Variants in SCRIB observed in about 807,000 individuals in gnomAD.
SCRIB encodes the protein protein scribble homolog.
In SCRIB, 72 loss-of-function variants were observed where a neutral mutation model predicts 170.0. That is an observed-to-expected ratio of 0.42 (90% CI 0.35 to 0.52). The LOEUF (loss-of-function observed/expected upper bound fraction) is 0.52. Ranked by LOEUF, SCRIB falls within the 20% of genes least tolerant of loss-of-function variation. SCRIB has a pLI of 0.02. For synonymous variants in SCRIB, 1,298 were observed against 1,044.3 expected (o/e 1.24, Z -4.68); for missense variants, 2,475 against 2,338.5 (o/e 1.06, Z -1.20).
chr8:143,809,087 C>T, intron 14 of SCRIB, 62 bp from the exon 15 acceptor site: 3 of 1,541,524 alleles, frequency 1.9e-6, no homozygotes, highest in Non-Finnish European at 1.7e-6. Flanking sequence ...CAGGAAGACC[C>T]TACTAAACAG....
chr8:143,815,721 T>G lies in SCRIB; in HGVS notation c.-349A>C, dbSNP rs930179816. On this transcript the variant is annotated 5_prime_UTR_variant, in exon 1 of 37. Coordinates refer to ENST00000356994, the MANE Select transcript of SCRIB (RefSeq NM_182706.5). ...CCGGAACCGCCGCTGCCCGCCGGAC[T>G]GCCCCGCCGACACCCACCCGGCCGC... is the stretch of plus-strand genomic sequence containing the variant. The G allele has an allele frequency of 1.0e-6, 1 of 983,654 alleles. No individual in the cohort carries two copies. The highest frequency in any genetic ancestry group is 1.2e-6 in the Non-Finnish European group (1 of 829,320). 60.9% of individuals were successfully genotyped at this position (983,654 alleles called of 1,614,324 possible).
At chr8:143,797,031 C>T (rs1283665041) in intron 24 of SCRIB, among the ~76,000 whole-genome samples, 1 of 152,174 alleles carries the variant, frequency 6.6e-6, no homozygotes, top group Admixed American at 6.5e-5. Flanking sequence ...GGTCCAGGGC[C>T]AGACCACAGC....
rs782540588 is a variant in SCRIB, at chr8:143,793,880, C to T, written c.3909+20G>A. 9.9e-6 allele frequency: 16 copies of T among 1,612,072 alleles called. No individual in the cohort carries two copies. The highest frequency in any genetic ancestry group is 9.3e-5 in the African/African-American group (7 of 74,888). ...CCCTCCACCCACCATGGGGCACACC[C>T]GTTAACTTGGGACACTCACCTGCTG... On this transcript the variant is annotated intron_variant, in intron 28 of 36. Transcript: ENST00000356994.
chr8:143,792,477 G>T lies in SCRIB; in HGVS notation c.4328+8C>A. On this transcript the variant is annotated splice_region_variant and intron_variant, in intron 31 of 36. Coordinates refer to ENST00000356994, the MANE Select transcript of SCRIB (RefSeq NM_182706.5). The stretch of plus-strand genomic sequence containing the variant: ...TGAGTAGGGGGCGTCTGGTGGGCGG[G>T]TGCTCACCTTGAGGTGGGGCTCGGG... 1 of 1,533,000 alleles carries T rather than the reference G, an allele frequency of 6.5e-7. No individual in the cohort carries two copies. Among genetic ancestry groups the T allele is most frequent in the Non-Finnish European group, 8.7e-7 (1 of 1,143,954 alleles). 95.0% of individuals were successfully genotyped at this position (1,533,000 alleles called of 1,614,324 possible). A position where few individuals can be genotyped will look rare whatever the true frequency, so the allele number is the denominator to read the frequency against.
intron 24 of SCRIB, among the ~76,000 whole-genome samples, chr8:143,797,169 A>C (rs1322411068): frequency 6.6e-6 from 1 of 152,206 alleles, no homozygotes; most frequent in Non-Finnish European, 1.5e-5. Flanking sequence ...CTGCTGAGAG[A>C]GGGGAGGTCG....
intron 24 of SCRIB, among the ~76,000 whole-genome samples, chr8:143,800,963 C>T (rs1384770745): frequency 7.0e-5 from 2 of 28,598 alleles, no homozygotes; most frequent in Non-Finnish European, 1.6e-4. Context: ...TAAGAGAAAA[C>T]ACATTGACAA....
Position 143,791,327 on chromosome 8 carries a change from T to C in SCRIB, c.4823-19A>G, listed in dbSNP as rs1554632564. The C allele has an allele frequency of 1.9e-6, 3 of 1,585,106 alleles. No homozygotes were observed. The African/African-American group carries it at 4.1e-5, about 21-fold the overall frequency. On this transcript the variant is annotated intron_variant, in intron 36 of 36. Coordinates refer to ENST00000356994, the MANE Select transcript of SCRIB (RefSeq NM_182706.5). ...TGCGGGCCTGGAGGGCAGGGACAGG[T>C]GGGCAGTGAGCTGAGGGCAGCTGGG...
chr8:143,792,445 C>A (rs1563787306), intron 31 of SCRIB, 40 bp from the exon 32 acceptor site: 3 of 1,502,192 alleles, frequency 2.0e-6, no homozygotes, highest in Non-Finnish European at 2.7e-6. Context: ...GGCAGGGGCA[C>A]GTGGGGTGAG....
At chr8:143,800,250 G>A (rs1260913732) in intron 24 of SCRIB, among the ~76,000 whole-genome samples, 1 of 152,096 alleles carries the variant, frequency 6.6e-6, no homozygotes, top group African/African-American at 2.4e-5. Flanking sequence ...CAGATAAGAG[G>A]ACTTCAGAAA....
chr8:143,814,182 G>A (rs771947695), intron 1 of SCRIB, 64 bp from the exon 2 acceptor site: 163 of 1,348,890 alleles, frequency 1.2e-4, no homozygotes, highest in Non-Finnish European at 1.6e-4. Context: ...AGAGCTCCTG[G>A]ACACGTGAGT....
rs1554633032 is a variant in SCRIB at position 143,792,355 on chromosome 8, G to A, written c.4379C>T (p.Thr1460Met). The change falls in exon 32 of 37, where the codon ACG (threonine) becomes ATG (methionine). Residue 1460 changes from threonine (T) to methionine (M), a missense_variant. Physicochemically the swap from Thr to Met is moderately conservative, Grantham distance 81 (BLOSUM62 -1). Around this residue, in one of 3 missense-constraint regions of SCRIB, gnomAD observed 1,966 missense variants for 1,742.9 expected, o/e 1.13. Coordinates refer to ENST00000356994, the MANE Select transcript of SCRIB (RefSeq NM_182706.5). ...PPLGGGAPVR[T>M]AKAERRHQER... ...CTGGTGGCGCCGTTCAGCTTTGGCC[G>A]TCCGCACCGGGGCGCCACCTCCCAG... 16 of 1,533,704 alleles carry A rather than the reference G, an allele frequency of 1.0e-5. No homozygotes were observed. The highest frequency in any genetic ancestry group is 2.7e-5 in the African/African-American group (2 of 73,290).
chr8:143,801,721 G>C (rs781788137), intron 24 of SCRIB, among the ~76,000 whole-genome samples: 7 of 152,188 alleles, frequency 4.6e-5, no homozygotes, highest in Non-Finnish European at 1.0e-4. Flanking sequence ...TAGCAGTGAC[G>C]GGGAAGGGGA....
At chr8:143,791,530 A>G in intron 35 of SCRIB, 90 bp from the exon 36 acceptor site, 4 of 1,585,900 alleles carry the variant, frequency 2.5e-6, no homozygotes, top group Non-Finnish European at 2.6e-6. Flanking sequence ...TGAGGCCCAC[A>G]GAGCCCGGCT....
intron 24 of SCRIB, among the ~76,000 whole-genome samples, chr8:143,796,666 GCA>G (rs1389664186): frequency 2.0e-5 from 3 of 152,332 alleles, no homozygotes; most frequent in East Asian, 3.9e-4. Context: ...TGTCGTAAAA[GCA>G]CAGTTACACA....
chr8:143,793,088 G>T lies in SCRIB; in HGVS notation c.3910-5C>A, dbSNP rs782608118. The T allele has an allele frequency of 2.8e-6, 4 of 1,446,060 alleles. No homozygotes were observed. The highest frequency in any genetic ancestry group is 2.5e-5 in the Admixed American group (1 of 39,756). The allele number at this position is 1,446,060 out of a possible 1,614,324, so 89.6% of individuals were successfully genotyped here. A position where few individuals can be genotyped will look rare whatever the true frequency, so the allele number is the denominator to read the frequency against. ...CGGAGAAGGCGGGGAGGGCGGCTGG[G>T]GGGTGGGGCTCTTGTGAGCTATGCT... On this transcript the variant is annotated splice_region_variant and splice_polypyrimidine_tract_variant and intron_variant, in intron 28 of 36. Coordinates refer to ENST00000356994, the MANE Select transcript of SCRIB (RefSeq NM_182706.5).
In SCRIB at chr8:143,803,391, C is replaced by G; in HGVS notation, c.3595G>C (p.Ala1199Pro). The G allele has an allele frequency of 6.3e-7, 1 of 1,576,012 alleles. No homozygotes were observed. Among genetic ancestry groups the G allele is most frequent in the Non-Finnish European group, 8.6e-7 (1 of 1,163,758 alleles). Residue 1199 changes from alanine to proline, a missense_variant, in exon 24 of 37, where the codon GCC (alanine) becomes CCC (proline). Physicochemically the swap from Ala to Pro is conservative, Grantham distance 27. This residue lies in a region of SCRIB where 1,966 missense variants were observed against 1,742.9 expected (regional missense o/e 1.13). Transcript: ENST00000356994. ...CDGFEASTDA[A>P]LEVSPGVIAN... ...GGGGCGGGATCGCTAACCTCCAGGG[C>G]TGCGTCGGTGCTGGCCTCAAAGCCG...
intron 27 of SCRIB, chr8:143,794,233 A>G: frequency 2.1e-6 from 1 of 471,346 alleles, no homozygotes; most frequent in Non-Finnish European, 3.8e-6. Flanking sequence ...CAGACAGGAC[A>G]GCCGGAGAAG....
chr8:143,812,579 G>A (rs547534457), intron 8 of SCRIB, among the ~76,000 whole-genome samples, 195 bp from the exon 9 acceptor site: 1 of 152,194 alleles, frequency 6.6e-6, no homozygotes, highest in East Asian at 1.9e-4. Flanking sequence ...AGGCCCCAGT[G>A]GCACTGCCAC....
At position 143,791,755 on chromosome 8, in the gene SCRIB, G is replaced by A. The variant is rs369874730; in HGVS notation, c.4696-15C>T. ...CCAGACAAGGGCTTGAAAGGACAGC[G>A]TGAGGGGAGAGGCAGAGAGTGAGAG... On this transcript the variant is annotated splice_polypyrimidine_tract_variant and intron_variant, in intron 34 of 36. Coordinates refer to ENST00000356994, the MANE Select transcript of SCRIB (RefSeq NM_182706.5). 1,985 of 1,588,634 alleles carry A rather than the reference G, an allele frequency of 1.2e-3. 2 individuals are homozygous for A. The highest frequency in any genetic ancestry group is 1.5e-3 in the Middle Eastern group (9 of 5,984).
Sources: allele counts gnomAD v4.1 joint callset (sites outside exome capture counted in the v4.1 genomes callset), GRCh38; gene constraint gnomAD v4.1.1; regional missense constraint gnomAD v4.1.1; transcripts MANE v1.5; gene names NCBI Gene and HGNC (gene_info 2026-07-23, HGNC 2026-07-21).